The following FRMD5 variants were observed in gnomAD, a reference collection of about 807,000 sequenced individuals.
The protein encoded by FRMD5 is FERM domain containing 5.
A neutral mutation model predicts 69.0 loss-of-function variants in FRMD5; 20 were observed. The observed-to-expected ratio is 0.29, with a 90% confidence interval of 0.20 to 0.42. FRMD5 has a LOEUF of 0.42. FRMD5 is among the 10% of genes least tolerant of loss of function. The pLI is 1.00. For missense variants in FRMD5, 595 were observed against 708.6 expected (o/e 0.84, Z 1.82); for synonymous variants, 271 against 260.1 (o/e 1.04, Z -0.40).
intron 1 of FRMD5, among the ~76,000 whole-genome samples, chr15:44,087,960 C>T (rs1299947545): frequency 3.3e-5 from 5 of 152,154 alleles, no homozygotes; most frequent in Non-Finnish European, 5.9e-5. Flanking sequence ...TGGTGAGTCA[C>T]ATTGTCTGAG....
intron 5 of FRMD5, among the ~76,000 whole-genome samples, chr15:43,906,257 G>A (rs985269497): frequency 3.9e-5 from 6 of 152,190 alleles, no homozygotes; most frequent in Non-Finnish European, 8.8e-5. Context: ...CTGCACTATG[G>A]TCCTCATCCA....
rs2088166501 is a variant in FRMD5 at position 43,871,767 on chromosome 15, G to A, written c.*2118C>T. 6.6e-6 allele frequency: 1 copy of A among 152,196 alleles called. No individual in the cohort carries two copies. The highest frequency in any genetic ancestry group is 2.1e-4 in the South Asian group (1 of 4,828). 9.4% of individuals were successfully genotyped at this position (152,196 alleles called of 1,614,324 possible). ...CCTCTTCCCTTCTTAGATTCCAGCT[G>A]TGTTTTAGCATTCCAGTATTTGATC... On this transcript the variant is annotated 3_prime_UTR_variant, in exon 14 of 14. Transcript: ENST00000417257.
At chr15:43,930,353 C>T (rs1389684618) in intron 1 of FRMD5, among the ~76,000 whole-genome samples, 1 of 152,242 alleles carries the variant, frequency 6.6e-6, no homozygotes, top group East Asian at 1.9e-4. Context: ...TAGCAGGTCA[C>T]CACAAATGTG....
At chr15:44,097,861 A>G (rs1335014426) in intron 1 of FRMD5, among the ~76,000 whole-genome samples, 1 of 152,174 alleles carries the variant, frequency 6.6e-6, no homozygotes, top group Non-Finnish European at 1.5e-5. Flanking sequence ...TTATACATGC[A>G]TTTGACTTTT....
chr15:44,156,412 G>A (rs2077529111), intron 1 of FRMD5, among the ~76,000 whole-genome samples: 1 of 152,232 alleles, frequency 6.6e-6, no homozygotes, highest in Non-Finnish European at 1.5e-5. Flanking sequence ...CCAAAGTGCT[G>A]GGATTACAGG....
chr15:44,189,264 C>T (rs996248638), intron 1 of FRMD5, among the ~76,000 whole-genome samples: 2 of 152,134 alleles, frequency 1.3e-5, no homozygotes, highest in Non-Finnish European at 2.9e-5. Flanking sequence ...ACAATTACAA[C>T]TGTTGAAAGA....
rs1289795605 is a variant in FRMD5, at chr15:43,989,833, T to C, written c.103-65524A>G. On this transcript the variant is annotated intron_variant, in intron 1 of 13. Coordinates refer to ENST00000417257, the MANE Select transcript of FRMD5 (RefSeq NM_032892.5). ...CTCCAACATGATCTGGGTCATCTTC[T>C]TGTGGTTGGCCTTGGGGCTCAGGGG... 73 of 1,030,404 alleles carry C rather than the reference T, an allele frequency of 7.1e-5. No homozygotes were observed. The East Asian group carries it at 1.8e-3, about 26-fold the overall frequency. 63.8% of individuals were successfully genotyped at this position (1,030,404 alleles called of 1,614,324 possible).
intron 1 of FRMD5, among the ~76,000 whole-genome samples, chr15:44,124,251 C>T (rs1038762095): frequency 1.3e-5 from 2 of 151,900 alleles, no homozygotes; most frequent in African/African-American, 4.8e-5. Context: ...CCTCGGCCTC[C>T]CAAAGTGCTG....
chr15:44,008,257 G>C (rs1052899774), intron 1 of FRMD5, among the ~76,000 whole-genome samples: 3 of 150,252 alleles, frequency 2.0e-5, no homozygotes, highest in African/African-American at 2.4e-5. Flanking sequence ...ATTTCATGTA[G>C]AAGGCTTTAT....
chr15:43,873,295 A>C lies in FRMD5; in HGVS notation c.*590T>G. The C allele has an allele frequency of 6.5e-7, 1 of 1,534,626 alleles. No homozygotes were observed. The stretch of plus-strand genomic sequence containing the variant: ...CATCATAAGAAGCAACTTTCCATTT[A>C]ATCATTCTACATGGATGTTTACTTT... On this transcript the variant is annotated 3_prime_UTR_variant, in exon 14 of 14. Transcript: ENST00000417257.
intron 1 of FRMD5, among the ~76,000 whole-genome samples, chr15:44,104,285 T>A (rs868634533): frequency 6.6e-6 from 1 of 152,222 alleles, no homozygotes; most frequent in Non-Finnish European, 1.5e-5. Context: ...GGTGTTATTA[T>A]AAAAGAATCA....
chr15:43,926,124 T>G (rs1412625584), intron 1 of FRMD5, among the ~76,000 whole-genome samples: 1 of 152,236 alleles, frequency 6.6e-6, no homozygotes, highest in African/African-American at 2.4e-5. Flanking sequence ...GGAAAAGGTT[T>G]GCTAAAAGAT....
At chr15:43,999,641 C>T (rs1307252704) in intron 1 of FRMD5, among the ~76,000 whole-genome samples, 7 of 151,894 alleles carry the variant, frequency 4.6e-5, no homozygotes, top group South Asian at 2.1e-4. Flanking sequence ...TCTTTTTATG[C>T]GTTTGACTTT....
At chr15:44,057,615 C>G (rs1373511396) in intron 1 of FRMD5, among the ~76,000 whole-genome samples, 1 of 152,178 alleles carries the variant, frequency 6.6e-6, no homozygotes, top group Non-Finnish European at 1.5e-5. Flanking sequence ...AATAAAGCTT[C>G]ACTTAATTTC....
chr15:44,085,432 A>G (rs866697278), intron 1 of FRMD5, among the ~76,000 whole-genome samples: 1 of 152,196 alleles, frequency 6.6e-6, no homozygotes, highest in African/African-American at 2.4e-5. Flanking sequence ...ATACATAGCT[A>G]AGTTTTCAAG....
chr15:44,109,020 T>TAAAATAAAATAAAATA (rs59924689), intron 1 of FRMD5, among the ~76,000 whole-genome samples: 1 of 143,032 alleles, frequency 7.0e-6, no homozygotes, highest in African/African-American at 3.0e-5. Flanking sequence ...TAAAATAAAA[T>TAAAATAAAATAAAATA]GTTTGCCAAT....
chr15:43,885,598 G>C (rs1256377334), intron 11 of FRMD5, 83 bp downstream of exon 11: 1 of 1,183,616 alleles, frequency 8.4e-7, no homozygotes, highest in East Asian at 2.3e-5. Context: ...TGGTTTCTCT[G>C]TTCTAAAGGA....
intron 1 of FRMD5, among the ~76,000 whole-genome samples, chr15:44,031,154 G>C (rs564412672): frequency 1.3e-5 from 2 of 151,964 alleles, no homozygotes; most frequent in African/African-American, 4.8e-5. Flanking sequence ...TACCTGCTTG[G>C]GTGATAAAAA....
intron 1 of FRMD5, among the ~76,000 whole-genome samples, chr15:44,038,708 C>G (rs921755954): frequency 6.6e-6 from 1 of 151,762 alleles, no homozygotes; most frequent in Non-Finnish European, 1.5e-5. Flanking sequence ...AGAGGGCGAG[C>G]TGAAGCAGGG....
Sources: gnomAD v4.1 joint callset for allele counts (sites outside exome capture counted in the v4.1 genomes callset) on GRCh38, gnomAD v4.1.1 for gene constraint, MANE v1.5 for transcripts, NCBI Gene and HGNC (gene_info 2026-07-23, HGNC 2026-07-21) for gene names.